Variants in ATPAF2 observed in about 807,000 individuals in gnomAD.
The protein encoded by ATPAF2 is ATP synthase mitochondrial F1 complex assembly factor 2, also known as ATP12 homolog.
A neutral mutation model predicts 36.6 loss-of-function variants in ATPAF2; 30 were observed. The ratio of observed to expected loss-of-function variants is 0.82; its 90% CI spans 0.61 to 1.11. The LOEUF is 1.11. Ranked by LOEUF, ATPAF2 falls within the 50% of genes most tolerant of loss-of-function variation. ATPAF2 has a pLI of 0.00. For synonymous variants in ATPAF2, 140 were observed against 152.6 expected, an observed-to-expected ratio of 0.92 and a Z score of 0.61; for missense variants, 321 against 372.3, an observed-to-expected ratio of 0.86 and a Z score of 1.13.
chr17:18,028,335 G>A lies in ATPAF2; in HGVS notation c.221C>T (p.Pro74Leu). 1 of 1,614,096 alleles carries A rather than the reference G, an allele frequency of 6.2e-7. No individual in the cohort carries two copies. Among genetic ancestry groups the A allele is most frequent in the South Asian group, 1.1e-5 (1 of 91,082 alleles). ...INLDHRKLKT[P>L]QAKLFTVPSE... The stretch of plus-strand genomic sequence containing the variant: ...GGGGACGGTAAAGAGCTTGGCTTGG[G>A]GAGTTTTCAGCTTCCTGTGGTCCAG... Residue 74 changes from proline to leucine, a missense_variant, in exon 3 of 8, where the codon CCC becomes CTC. Around this residue, in one of 3 missense-constraint regions of ATPAF2, gnomAD observed 53 missense variants for 91.6 expected, o/e 0.58. Transcript: ENST00000474627.
At chr17:18,017,208 A>AAAAG (rs2044394267), downstream of ATPAF2, among the ~76,000 whole-genome samples, 6 of 131,698 alleles carry the variant, frequency 4.6e-5, no homozygotes, top group Non-Finnish European at 6.2e-5. Flanking sequence ...AAAAAAAAAA[A>AAAAG]TGTTCATGTA....
At chr17:18,031,275 T>C (rs2044631053) in intron 1 of ATPAF2, among the ~76,000 whole-genome samples, 1 of 151,786 alleles carries the variant, frequency 6.6e-6, no homozygotes, top group Non-Finnish European at 1.5e-5. Flanking sequence ...GCGCCCAGCC[T>C]ACTCCAAATA....
At position 18,039,008 on chromosome 17, in the gene ATPAF2, C is replaced by T. The variant is rs1349907803; in HGVS notation, c.6G>A (p.Trp2Ter). ...CGTCCCGCAGCCGGAGGCAGCTCCT[C>T]CACATCGCGCCCGAGGGTCTGGGAA... M[W>*]RSCLRLRDGG... The change falls in exon 1 of 8, where the codon TGG (tryptophan) becomes TGA (stop). Residue 2 changes from tryptophan (W) to a stop codon, truncating the protein, a stop_gained. Coordinates refer to ENST00000474627, the MANE Select transcript of ATPAF2 (RefSeq NM_145691.4). LOFTEE classifies it high-confidence loss of function. This position sits in a 1 kb window ranked among gnomAD's most constrained non-coding sequence, Gnocchi z 5.3. The T allele has an allele frequency of 6.2e-7, 1 of 1,602,646 alleles. No individual in the cohort carries two copies. Among genetic ancestry groups the T allele is most frequent in the South Asian group, 1.1e-5 (1 of 90,156 alleles).
Position 18,021,589 on chromosome 17 carries a change from T to C in ATPAF2, c.616+156A>G, listed in dbSNP as rs79741613. 0.036 allele frequency: 26,575 copies of C among 745,792 alleles called. 615 individuals are homozygous for C. Among genetic ancestry groups the C allele is most frequent in the Middle Eastern group, 0.045 (119 of 2,670 alleles). 46.2% of individuals were successfully genotyped at this position (745,792 alleles called of 1,614,324 possible). A position where few individuals can be genotyped will look rare whatever the true frequency, so the allele number is the denominator to read the frequency against. On this transcript the variant is annotated intron_variant, in intron 6 of 7. Transcript: ENST00000474627. ...GGTGTGAGCCTAGAGCGTAGAGTGATTGGCTAGCATCAGAGCCACCCAGCC... is the reference window on the plus strand; with the variant it reads ...GGTGTGAGCCTAGAGCGTAGAGTGACTGGCTAGCATCAGAGCCACCCAGCC...
intron 7 of ATPAF2, among the ~76,000 whole-genome samples, chr17:18,019,649 A>G (rs2044440097): frequency 6.9e-6 from 1 of 145,712 alleles, no homozygotes; most frequent in Non-Finnish European, 1.5e-5. Context: ...TGTAAGTCCA[A>G]CCAAACCTTG....
Position 18,019,151 on chromosome 17 carries a change from A to C in ATPAF2, c.733-465T>G, listed in dbSNP as rs577064320. Among the ~76,000 whole-genome samples, 13 of 148,102 alleles carry C rather than the reference A, an allele frequency of 8.8e-5. No homozygotes were observed. In the East Asian group the frequency reaches 2.4e-3, roughly 27 times the overall value. On this transcript the variant is annotated intron_variant, in intron 7 of 7. Coordinates refer to ENST00000474627, the MANE Select transcript of ATPAF2 (RefSeq NM_145691.4). ...CAAGACCCTGTCTCAAAAACACCAC[A>C]CACACACACACACACACACACACAC...
At chr17:18,021,369 C>G (rs2044466868) in intron 6 of ATPAF2, 131 bp from the exon 7 acceptor site, 1 of 764,180 alleles carries the variant, frequency 1.3e-6, no homozygotes, top group Admixed American at 2.0e-5. Context: ...TTGTCCCACT[C>G]TTCTGAAAGA....
Position 18,038,924 on chromosome 17 carries a change from C to T in ATPAF2, c.90G>A (p.Gly30=), listed in dbSNP as rs1406405446. 8 of 1,613,850 alleles carry T rather than the reference C, an allele frequency of 5.0e-6. No individual in the cohort carries two copies. Among genetic ancestry groups the T allele is most frequent in the African/African-American group, 4.0e-5 (3 of 74,932 alleles). ...AGGPSASMSP[G]PTIPSPARAY... ...CCCGGGCTGGAGACGGGATGGTTGG[C>T]CCCGGACTCATAGAAGCGCTGGGGC... is the stretch of plus-strand genomic sequence containing the variant. Residue 30 remains glycine, a synonymous_variant, in exon 1 of 8, where the codon GGG becomes GGA. Coordinates refer to ENST00000474627, the MANE Select transcript of ATPAF2 (RefSeq NM_145691.4).
chr17:18,038,336 G>A (rs930781760), intron 1 of ATPAF2, among the ~76,000 whole-genome samples: 2 of 152,254 alleles, frequency 1.3e-5, no homozygotes, highest in East Asian at 1.9e-4. Context: ...ACAGTCAGAG[G>A]TGGAGGTGTC....
chr17:18,016,898 G>A (rs1056476636), downstream of ATPAF2: 4 of 395,180 alleles, frequency 1.0e-5, no homozygotes, highest in Admixed American at 4.2e-5. Context: ...AATCAGCTGG[G>A]TGCGGTGGTT....
At chr17:18,035,001 C>G (rs889760858) in intron 1 of ATPAF2, among the ~76,000 whole-genome samples, 44 of 152,094 alleles carry the variant, frequency 2.9e-4, no homozygotes, top group African/African-American at 1.0e-3. Context: ...CTCTGGAAGG[C>G]CGAAGCAGGA....
chr17:18,020,581 T>G (rs2044455042), intron 7 of ATPAF2: 1 of 155,548 alleles, frequency 6.4e-6, no homozygotes, highest in Non-Finnish European at 1.4e-5. Flanking sequence ...TAACCACAGC[T>G]CCTACCTGCC....
At chr17:18,033,602 G>A (rs1216410362) in intron 1 of ATPAF2, among the ~76,000 whole-genome samples, 4 of 151,948 alleles carry the variant, frequency 2.6e-5, no homozygotes, top group Non-Finnish European at 5.9e-5. Context: ...ACCAGCCTCA[G>A]GAACCACAAC....
intron 1 of ATPAF2, among the ~76,000 whole-genome samples, chr17:18,036,883 C>A (rs1284433323): frequency 6.6e-6 from 1 of 151,658 alleles, no homozygotes; most frequent in Non-Finnish European, 1.5e-5. Context: ...ACCAGTGTGG[C>A]CAACATGGTG....
intron 1 of ATPAF2, among the ~76,000 whole-genome samples, chr17:18,033,483 G>C (rs916188672): frequency 1.3e-5 from 2 of 151,552 alleles, no homozygotes; most frequent in African/African-American, 4.9e-5. Context: ...CCATGTTCTC[G>C]GTGAATACAT....
intron 6 of ATPAF2, 118 bp from the exon 7 acceptor site, chr17:18,021,356 C>T (rs945795577): frequency 2.3e-5 from 18 of 796,726 alleles, no homozygotes; most frequent in Admixed American, 1.0e-4. Context: ...AGCCATCCAG[C>T]GATTGTCCCA....
At chr17:18,028,854 T>C (rs1229571397) in intron 1 of ATPAF2, among the ~76,000 whole-genome samples, 195 bp from the exon 2 acceptor site, 1 of 152,070 alleles carries the variant, frequency 6.6e-6, no homozygotes, top group Non-Finnish European at 1.5e-5. Flanking sequence ...GAACATCTGA[T>C]CTCCAGGGAG....
chr17:18,021,173 G>A lies in ATPAF2; in HGVS notation c.682C>T (p.Leu228=). The A allele has an allele frequency of 6.2e-7, 1 of 1,614,038 alleles. No individual in the cohort carries two copies. Among genetic ancestry groups the A allele is most frequent in the Non-Finnish European group, 8.5e-7 (1 of 1,180,016 alleles). The part of the protein sequence containing the change: ...VLTLGLIDLR[L]TVEQAVLLSR... ...AGCAGCACGGCCTGCTCCACTGTCA[G>A]GCGCAGGTCAATCAGGCCCAAGGTT... Residue 228 remains leucine (L), a synonymous_variant, in exon 7 of 8, where the codon CTG becomes TTG. Transcript: ENST00000474627.
chr17:18,028,400 T>A, intron 2 of ATPAF2, 23 bp from the exon 3 acceptor site: 2 of 1,612,734 alleles, frequency 1.2e-6, no homozygotes, highest in Non-Finnish European at 1.7e-6. Flanking sequence ...AATGAAAAAC[T>A]CTCAGGGATT....
Sources: gnomAD v4.1 joint callset for allele counts (sites outside exome capture counted in the v4.1 genomes callset) on GRCh38, gnomAD v4.1.1 for gene constraint, gnomAD v4.1.1 regional missense constraint, Gnocchi (gnomAD v3.1) non-coding constraint, MANE v1.5 for transcripts, NCBI Gene and HGNC (gene_info 2026-07-23, HGNC 2026-07-21) for gene names.